Variants in CEP135 observed in about 807,000 individuals in gnomAD.
CEP135 encodes centrosomal protein of 135 kDa.
CEP135 carries 142 observed loss-of-function variants against 157.3 expected under a neutral mutation model. The observed-to-expected ratio is 0.90, with a 90% CI of 0.79 to 1.04. The LOEUF (loss-of-function observed/expected upper bound fraction) is 1.04, where lower values mean the gene tolerates loss of function less well. Ranked by LOEUF, CEP135 falls within the 50% of genes least tolerant of loss-of-function variation. The pLI is 0.00. For missense variants in CEP135, 1,317 were observed against 1,309.2 expected, an observed-to-expected ratio of 1.01 and a Z score of -0.09; for synonymous variants, 396 against 439.8, an observed-to-expected ratio of 0.90 and a Z score of 1.25.
rs1225929376 is a variant in CEP135 at position 55,999,300 on chromosome 4, A to T, written c.2010-2A>T. The T allele has an allele frequency of 6.2e-7, 1 of 1,608,500 alleles. No homozygotes were observed. The highest frequency in any genetic ancestry group is 8.5e-7 in the Non-Finnish European group (1 of 1,176,112). On this transcript the variant is annotated splice_acceptor_variant, in intron 15 of 25. Coordinates refer to ENST00000257287, the MANE Select transcript of CEP135 (RefSeq NM_025009.5). LOFTEE classifies it high-confidence loss of function. ...ATTTGTTTTTGTCCATTGATTCTTT[A>T]GGATAGTGAATGAGCAGCTACAGCG...
At position 55,965,820 on chromosome 4, in the gene CEP135, A is replaced by C. The variant is rs778583721; in HGVS notation, c.1005A>C (p.Glu335Asp). The change falls in exon 8 of 26, where the codon GAA becomes GAC. Residue 335 changes from glutamate (E) to aspartate (D), a missense_variant. By Grantham distance (45) the Glu-to-Asp change is conservative. Transcript: ENST00000257287. Reference sequence around the variant, plus strand: ...AGCAGTTGGAAAGACATAAAGAAGAAGTGCTTGAGACTGCTGATAAAGAGC... The same window carrying C: ...AGCAGTTGGAAAGACATAAAGAAGACGTGCTTGAGACTGCTGATAAAGAGC... ...LAQQLERHKE[E>D]VLETADKELG... 5 of 1,613,368 alleles carry C rather than the reference A, an allele frequency of 3.1e-6. No individual in the cohort carries two copies. Among genetic ancestry groups the C allele is most frequent in the Non-Finnish European group, 4.2e-6 (5 of 1,179,488 alleles).
At chr4:56,008,186 A>G (rs1730423079) in intron 17 of CEP135, 141 bp from the exon 18 acceptor site, 1 of 600,362 alleles carries the variant, frequency 1.7e-6, no homozygotes, top group Non-Finnish European at 2.9e-6. Flanking sequence ...GGACATGGAG[A>G]TATGTTTACT....
intron 11 of CEP135, among the ~76,000 whole-genome samples, chr4:55,977,420 A>G (rs1489010333): frequency 1.3e-5 from 2 of 151,994 alleles, no homozygotes; most frequent in Admixed American, 6.6e-5. Flanking sequence ...ACAAGTTCCA[A>G]CTCCACAAAC....
chr4:56,021,001 A>G (rs1399059478), intron 24 of CEP135, among the ~76,000 whole-genome samples: 1 of 152,232 alleles, frequency 6.6e-6, no homozygotes, highest in Non-Finnish European at 1.5e-5. Flanking sequence ...CGGATGCTAT[A>G]TAAATATTTA....
At chr4:55,999,848 C>T (rs996508648) in intron 17 of CEP135, among the ~76,000 whole-genome samples, 2 of 152,064 alleles carry the variant, frequency 1.3e-5, no homozygotes, top group Non-Finnish European at 2.9e-5. Flanking sequence ...TACTCCTAGC[C>T]GGAAAAGTTT....
At chr4:56,018,829 G>A (rs946707412) in intron 22 of CEP135, among the ~76,000 whole-genome samples, 2 of 151,780 alleles carry the variant, frequency 1.3e-5, no homozygotes, top group South Asian at 4.1e-4. Flanking sequence ...TATTTTTCCC[G>A]ATAAAAATCT....
intron 19 of CEP135, 41 bp from the exon 20 acceptor site, chr4:56,011,371 T>G (rs1370366593): frequency 2.4e-6 from 3 of 1,268,456 alleles, no homozygotes; most frequent in Admixed American, 2.0e-5. Flanking sequence ...TTATTTGGTG[T>G]TGTGTTCATT....
intron 13 of CEP135, 93 bp from the exon 14 acceptor site, chr4:55,985,188 A>G (rs1729535808): frequency 1.7e-6 from 1 of 575,658 alleles, no homozygotes; most frequent in Non-Finnish European, 3.2e-6. Flanking sequence ...GACAAATACA[A>G]TATAATAGAA....
At chr4:56,022,340 G>A (rs573311799) in intron 24 of CEP135, among the ~76,000 whole-genome samples, 6 of 152,020 alleles carry the variant, frequency 3.9e-5, no homozygotes, top group South Asian at 2.1e-4. Flanking sequence ...CATTCTCATC[G>A]GTGCAGTATT....
chr4:56,025,088 G>A (rs1560427859), intron 25 of CEP135, among the ~76,000 whole-genome samples: 1 of 152,098 alleles, frequency 6.6e-6, no homozygotes, highest in Non-Finnish European at 1.5e-5. Flanking sequence ...AGCCCGGAAG[G>A]TTGAGGCTGC....
chr4:55,991,897 A>G (rs370549399), intron 14 of CEP135, 37 bp from the exon 15 acceptor site: 15 of 1,054,244 alleles, frequency 1.4e-5, no homozygotes, highest in African/African-American at 5.0e-5. Flanking sequence ...TTAACGTATT[A>G]AGATATATAC....
chr4:55,973,286 T>C (rs778574380), intron 10 of CEP135, among the ~76,000 whole-genome samples: 1 of 152,218 alleles, frequency 6.6e-6, no homozygotes, highest in African/African-American at 2.4e-5. Context: ...CAGCGCTGTA[T>C]GGAAATCTTA....
Position 55,990,208 on chromosome 4 carries a change from T to C in CEP135, c.1858-1726T>C, listed in dbSNP as rs115020099. 5.2e-3 allele frequency among the ~76,000 whole-genome samples: 787 copies of C among 152,318 alleles called. 4 individuals carry two copies. The highest frequency in any genetic ancestry group is 0.018 in the African/African-American group (739 of 41,566). ...CTCTGACTTATGCCTTTAAATATGTTTTGAATACACAAACATCAGTTTCAG... is the reference window on the plus strand; with the variant it reads ...CTCTGACTTATGCCTTTAAATATGTCTTGAATACACAAACATCAGTTTCAG... On this transcript the variant is annotated intron_variant, in intron 14 of 25. Coordinates refer to ENST00000257287, the MANE Select transcript of CEP135 (RefSeq NM_025009.5).
At chr4:56,023,631 A>T (rs1001089134) in intron 24 of CEP135, among the ~76,000 whole-genome samples, 1 of 145,756 alleles carries the variant, frequency 6.9e-6, no homozygotes, top group African/African-American at 2.5e-5. Flanking sequence ...ATAACATAGT[A>T]ATATGTAATA....
At chr4:56,012,158 G>C (rs1463281031) in intron 21 of CEP135, among the ~76,000 whole-genome samples, 173 bp downstream of exon 21, 3 of 152,114 alleles carry the variant, frequency 2.0e-5, no homozygotes, top group Admixed American at 2.0e-4. Flanking sequence ...GGGTTCAAGC[G>C]ATTCTTCTGT....
At position 56,010,075 on chromosome 4, in the gene CEP135, C is replaced by T. The variant is rs114920834; in HGVS notation, c.2505+172C>T. ...ATTAAAAAATGGAGCTTAGGCCGGG[C>T]GCAGTGGCTCACACCTGTAATCTTA... On this transcript the variant is annotated intron_variant, in intron 19 of 25. Coordinates refer to ENST00000257287, the MANE Select transcript of CEP135 (RefSeq NM_025009.5). Among the ~76,000 whole-genome samples the T allele has an allele frequency of 0.081, 12,302 of 152,012 alleles. 663 individuals are homozygous for T. Among genetic ancestry groups the T allele is most frequent in the Admixed American group, 0.12 (1,759 of 15,274 alleles).
chr4:55,953,430 T>C (rs1728419654), intron 3 of CEP135, among the ~76,000 whole-genome samples, 155 bp downstream of exon 3: 5 of 151,920 alleles, frequency 3.3e-5, no homozygotes. Context: ...ACTCGGGAGT[T>C]TAAGGTGGGA....
At chr4:55,980,385 A>G (rs1348690167) in intron 12 of CEP135, 90 bp downstream of exon 12, 9 of 734,830 alleles carry the variant, frequency 1.2e-5, no homozygotes, top group Non-Finnish European at 1.9e-5. Context: ...TTACTATAAT[A>G]TATGGACCTG....
intron 15 of CEP135, among the ~76,000 whole-genome samples, chr4:55,996,210 C>T (rs2109708659): frequency 6.6e-6 from 1 of 152,186 alleles, no homozygotes; most frequent in Middle Eastern, 3.4e-3. Context: ...AAACCTTGAC[C>T]TCCTGGCTCA....
Sources: allele counts gnomAD v4.1 joint callset (sites outside exome capture counted in the v4.1 genomes callset), GRCh38; gene constraint gnomAD v4.1.1; transcripts MANE v1.5; gene names NCBI Gene and HGNC (gene_info 2026-07-23, HGNC 2026-07-21).